The following EIF4E3 variants were observed in gnomAD, a reference collection of about 807,000 sequenced individuals.
EIF4E3 encodes the protein eukaryotic translation initiation factor 4E family member 3, also known as eukaryotic translation initiation factor 4E type 3.
EIF4E3 carries 26 observed loss-of-function variants against 31.7 expected under a neutral mutation model. That is an observed-to-expected ratio of 0.82 (90% CI 0.60 to 1.14). The LOEUF is 1.14. Ranked by LOEUF, EIF4E3 falls within the 50% of genes most tolerant of loss-of-function variation. The pLI, the probability that EIF4E3 is intolerant of heterozygous loss-of-function variation, is 0.00. For synonymous variants in EIF4E3, 128 were observed against 107.7 expected (o/e 1.19, Z -1.17); for missense variants, 304 against 270.9 (o/e 1.12, Z -0.86).
chr3:71,716,910 A>G (rs1239712240), intron 1 of EIF4E3, among the ~76,000 whole-genome samples: 2 of 152,118 alleles, frequency 1.3e-5, no homozygotes, highest in African/African-American at 4.8e-5. Flanking sequence ...AGACTTCCCA[A>G]ATATGCCTTC....
intron 3 of EIF4E3, 151 bp from the exon 4 acceptor site, chr3:71,696,671 T>C: frequency 2.3e-6 from 2 of 879,760 alleles, no homozygotes; most frequent in Non-Finnish European, 3.5e-6. Flanking sequence ...TTTTTTATTT[T>C]TTATTATGGA....
At chr3:71,664,506 G>C in the EIF4E3 span, among the ~76,000 whole-genome samples, 33 of 152,098 alleles carry the variant, frequency 2.2e-4, no homozygotes, top group South Asian at 4.1e-4. Context: ...ACAGTGATTG[G>C]CTCAGGAAAA....
intron 6 of EIF4E3, among the ~76,000 whole-genome samples, chr3:71,687,661 G>C (rs188448192): frequency 1.6e-3 from 238 of 152,286 alleles, no homozygotes; most frequent in Non-Finnish European, 1.9e-3. Flanking sequence ...TCAGTGAGTG[G>C]AGTCTGTGCA....
intron 6 of EIF4E3, among the ~76,000 whole-genome samples, chr3:71,686,828 A>C (rs964279999): frequency 1.7e-4 from 26 of 152,214 alleles, no homozygotes; most frequent in African/African-American, 6.0e-4. Context: ...ACAACAGAAC[A>C]TTCAGAATTG....
intron 1 of EIF4E3, among the ~76,000 whole-genome samples, chr3:71,714,945 C>T (rs2049442189): frequency 6.6e-6 from 1 of 152,240 alleles, no homozygotes; most frequent in Non-Finnish European, 1.5e-5. Context: ...TGGTATCACA[C>T]ATACAGTATA....
chr3:71,752,661 C>A (rs2049942827), intron 1 of EIF4E3, among the ~76,000 whole-genome samples: 1 of 152,256 alleles, frequency 6.6e-6, no homozygotes, highest in South Asian at 2.1e-4. Context: ...TGATCCCTTG[C>A]CTTCAAAGAG....
At chr3:71,697,061 G>C (rs2049149152) in intron 3 of EIF4E3, among the ~76,000 whole-genome samples, 1 of 151,800 alleles carries the variant, frequency 6.6e-6, no homozygotes, top group South Asian at 2.1e-4. Context: ...TGTCACCCAG[G>C]CTGGAGTGCA....
intron 2 of EIF4E3, among the ~76,000 whole-genome samples, chr3:71,706,341 C>T (rs566366375): frequency 5.1e-4 from 78 of 152,274 alleles, no homozygotes; most frequent in Non-Finnish European, 7.9e-4. Context: ...GGTAACGATT[C>T]CTCTCCCAAA....
chr3:71,691,126 C>T (rs537516361), intron 5 of EIF4E3, among the ~76,000 whole-genome samples: 2 of 152,254 alleles, frequency 1.3e-5, no homozygotes, highest in African/African-American at 4.8e-5. Flanking sequence ...TAATGCAATA[C>T]GGTCAGCTCT....
Position 71,693,898 on chromosome 3 carries a change from T to C in EIF4E3, c.449A>G (p.Gln150Arg). 6.3e-7 allele frequency: 1 copy of C among 1,584,302 alleles called. No individual in the cohort carries two copies. The highest frequency in any genetic ancestry group is 8.6e-7 in the Non-Finnish European group (1 of 1,165,042). The change falls in exon 5 of 7, where the codon CAG becomes CGG. Residue 150 changes from glutamine to arginine, a missense_variant. Gln to Arg is a conservative substitution (Grantham distance 43, BLOSUM62 1). Coordinates refer to ENST00000425534, the MANE Select transcript of EIF4E3 (RefSeq NM_001134651.2). ...ACCTGCTGCGGCACAGTCTGTGAAC[T>C]GTTCCCCGATGGTTGCTAACAGCAA... ...KELLLATIGE[Q>R]FTDCAAADDE...
At position 71,709,855 on chromosome 3, in the gene EIF4E3, G is replaced by A. The variant is rs189208625; in HGVS notation, c.249+557C>T. On this transcript the variant is annotated intron_variant, in intron 2 of 6. Coordinates refer to ENST00000425534, the MANE Select transcript of EIF4E3 (RefSeq NM_001134651.2). The stretch of plus-strand genomic sequence containing the variant: ...TTCACAGTAACCCATGGAGGTAGGT[G>A]CTACCATTAGACCAGTTTTACAGAG... Among the ~76,000 whole-genome samples, 114 of 152,102 alleles carry A rather than the reference G, an allele frequency of 7.5e-4. 1 individual carries two copies. In the East Asian group the frequency reaches 0.011, roughly 15 times the overall value.
chr3:71,667,277 A>T, the EIF4E3 span, among the ~76,000 whole-genome samples: 1 of 152,246 alleles, frequency 6.6e-6, no homozygotes, highest in Non-Finnish European at 1.5e-5. Context: ...TATTTATGAC[A>T]GACCCATAGC....
chr3:71,699,137 G>A (rs1484198116), intron 3 of EIF4E3, among the ~76,000 whole-genome samples: 1 of 152,238 alleles, frequency 6.6e-6, no homozygotes, highest in Non-Finnish European at 1.5e-5. Flanking sequence ...TGAGGTGGGA[G>A]GTTCACCTGA....
chr3:71,660,564 G>A, the EIF4E3 span, among the ~76,000 whole-genome samples: 1 of 152,142 alleles, frequency 6.6e-6, no homozygotes. Flanking sequence ...TTAGAGCCTA[G>A]AATAAACTCA....
chr3:71,660,326 A>C, the EIF4E3 span, among the ~76,000 whole-genome samples: 1 of 152,092 alleles, frequency 6.6e-6, no homozygotes, highest in South Asian at 2.1e-4. Flanking sequence ...ATAAAAAGTG[A>C]AGCTGAAAAA....
At chr3:71,686,555 T>TGA (rs2048994414) in intron 6 of EIF4E3, among the ~76,000 whole-genome samples, 1 of 151,716 alleles carries the variant, frequency 6.6e-6, no homozygotes. Flanking sequence ...TGTGTGTGTG[T>TGA]GTGTGTGTGT....
intron 2 of EIF4E3, among the ~76,000 whole-genome samples, chr3:71,709,705 T>C (rs2049347610): frequency 6.6e-6 from 1 of 152,142 alleles, no homozygotes. Context: ...AGTTGTGTTT[T>C]TCCAACTCCA....
chr3:71,703,567 C>T (rs1189297704), intron 2 of EIF4E3, among the ~76,000 whole-genome samples: 1 of 152,116 alleles, frequency 6.6e-6, no homozygotes, highest in Admixed American at 6.5e-5. Context: ...TGATAAATCC[C>T]CAATCTGATA....
chr3:71,714,641 GC>G (rs919242115), intron 1 of EIF4E3, among the ~76,000 whole-genome samples: 1 of 152,200 alleles, frequency 6.6e-6, no homozygotes, highest in African/African-American at 2.4e-5. Context: ...TGTTTACCAA[GC>G]AAAATTGGGC....
Sources: allele counts gnomAD v4.1 joint callset (sites outside exome capture counted in the v4.1 genomes callset), GRCh38; gene constraint gnomAD v4.1.1; transcripts MANE v1.5; gene names NCBI Gene and HGNC (gene_info 2026-07-23, HGNC 2026-07-21).